ARHGAP32: variants seen among roughly 807,000 people sequenced by gnomAD.
The protein encoded by ARHGAP32 is Rho GTPase activating protein 32.
Under a neutral mutation model 186.5 loss-of-function variants are expected in ARHGAP32, and 51 were observed. That is an observed-to-expected ratio of 0.27 (90% CI 0.22 to 0.35). ARHGAP32 has a LOEUF of 0.35. ARHGAP32 is among the 10% of genes least tolerant of loss of function. The pLI is 1.00. For synonymous variants in ARHGAP32, 950 were observed against 964.3 expected (o/e 0.99, Z 0.27); for missense variants, 2,186 against 2,623.5 (o/e 0.83, Z 3.64).
intron 5 of ARHGAP32, among the ~76,000 whole-genome samples, chr11:129,122,646 T>A (rs1301558035): frequency 1.3e-5 from 2 of 152,102 alleles, no homozygotes; most frequent in African/African-American, 4.8e-5. Context: ...ATCCTATAGA[T>A]CAAATTCATC....
At position 129,250,656 on chromosome 11, in the gene ARHGAP32, T is replaced by G. The variant is rs1945169557; in HGVS notation, c.-5+28490A>C. On this transcript the variant is annotated intron_variant, in intron 1 of 6. Coordinates refer to the ARHGAP32 transcript ENST00000525234. The stretch of plus-strand genomic sequence containing the variant: ...ATCCAAAGTGAAACCTTATACCTCT[T>G]TGTTTGGCTCTAATGAAAATTCTCA... Among the ~76,000 whole-genome samples, 3 of 152,162 alleles carry G rather than the reference T, an allele frequency of 2.0e-5. No homozygotes were observed. In the South Asian group the frequency reaches 6.2e-4, roughly 32 times the overall value.
chr11:129,230,105 G>A (rs1944838262), intron 1 of ARHGAP32, among the ~76,000 whole-genome samples: 2 of 152,102 alleles, frequency 1.3e-5, no homozygotes, highest in African/African-American at 4.8e-5. Context: ...GAACCATTGT[G>A]CGCAGCCTTA....
At chr11:129,229,253 T>C (rs1398562859) in intron 1 of ARHGAP32, among the ~76,000 whole-genome samples, 31 of 152,146 alleles carry the variant, frequency 2.0e-4, no homozygotes. Flanking sequence ...CCTCACATAC[T>C]TATAAAGTGT....
At position 129,274,007 on chromosome 11, in the gene ARHGAP32, A is replaced by G. The variant is rs1257553255; in HGVS notation, c.-5+5139T>C. Among the ~76,000 whole-genome samples, 3 of 100,018 alleles carry G rather than the reference A, an allele frequency of 3.0e-5. No homozygotes were observed. The East Asian group carries it at 8.4e-4, about 28-fold the overall frequency. The allele number at this position is 100,018 out of a possible 152,430, so 65.6% of individuals were successfully genotyped here. A position where few individuals can be genotyped will look rare whatever the true frequency, so the allele number is the denominator to read the frequency against. On this transcript the variant is annotated intron_variant, in intron 1 of 6. Transcript: ENST00000525234. ...ATAAAATAAAATAGTAAATAGATACATAGCCGGAAGCAAAAAAAAAAAAAC... is the reference window on the plus strand; with the variant it reads ...ATAAAATAAAATAGTAAATAGATACGTAGCCGGAAGCAAAAAAAAAAAAAC...
intron 11 of ARHGAP32, among the ~76,000 whole-genome samples, chr11:129,027,760 C>A (rs907854201): frequency 5.9e-5 from 9 of 152,192 alleles, no homozygotes; most frequent in South Asian, 2.1e-4. Flanking sequence ...AGGTTTATTT[C>A]TCTTCATTGC....
intron 1 of ARHGAP32, among the ~76,000 whole-genome samples, chr11:129,172,630 A>G (rs999416077): frequency 1.3e-5 from 2 of 152,238 alleles, no homozygotes; most frequent in African/African-American, 4.8e-5. Context: ...AGAACTCAAG[A>G]TTAAGAAACT....
At chr11:128,989,502 TTTTG>T (rs1945974621) in intron 12 of ARHGAP32, among the ~76,000 whole-genome samples, 1 of 145,818 alleles carries the variant, frequency 6.9e-6, no homozygotes, top group East Asian at 2.0e-4. Flanking sequence ...AATGCTTTTG[TTTTG>T]TTTTTTATTT....
At chr11:129,264,565 A>C (rs943138103) in intron 1 of ARHGAP32, among the ~76,000 whole-genome samples, 1 of 152,208 alleles carries the variant, frequency 6.6e-6, no homozygotes, top group Non-Finnish European at 1.5e-5. Flanking sequence ...ACAGATGTTT[A>C]TCATTTGGTG....
Position 128,974,705 on chromosome 11 carries a change from G to A in ARHGAP32, c.2492C>T (p.Ser831Phe). 6.2e-7 allele frequency: 1 copy of A among 1,614,134 alleles called. No homozygotes were observed. Among genetic ancestry groups the A allele is most frequent in the Non-Finnish European group, 8.5e-7 (1 of 1,180,020 alleles). The change falls in exon 21 of 23, where the codon TCC becomes TTC. Residue 831 changes from serine to phenylalanine, a missense_variant. Transcript: ENST00000682385. ...AESECLESGA[S>F]FLDSPGYSKD... Reference sequence around the variant, plus strand: ...GGAGTATCCTGGTGAATCTAAAAAGGAAGCACCACTCTCCAGACATTCTGA... The same window carrying A: ...GGAGTATCCTGGTGAATCTAAAAAGAAAGCACCACTCTCCAGACATTCTGA...
At chr11:129,070,453 T>A (rs1025157204) in intron 6 of ARHGAP32, among the ~76,000 whole-genome samples, 4 of 151,794 alleles carry the variant, frequency 2.6e-5, no homozygotes, top group Non-Finnish European at 5.9e-5. Flanking sequence ...GAACAATGCC[T>A]CCACTAATAA....
intron 1 of ARHGAP32, among the ~76,000 whole-genome samples, chr11:129,182,235 G>A (rs1944071091): frequency 6.6e-6 from 1 of 151,990 alleles, no homozygotes; most frequent in South Asian, 2.1e-4. Flanking sequence ...CAATAAGTTT[G>A]TGCATTTATA....
intron 1 of ARHGAP32, among the ~76,000 whole-genome samples, chr11:129,202,351 C>T (rs1427659101): frequency 1.3e-5 from 2 of 151,924 alleles, no homozygotes; most frequent in African/African-American, 2.4e-5. Flanking sequence ...CCCTGTATAC[C>T]ACAGAAGTCA....
chr11:129,114,482 C>T (rs1350692155), intron 5 of ARHGAP32, among the ~76,000 whole-genome samples: 2 of 152,098 alleles, frequency 1.3e-5, no homozygotes. Flanking sequence ...GTGGTACTCA[C>T]ATAGGTGGCT....
At chr11:129,185,664 G>A (rs1203324924) in intron 1 of ARHGAP32, among the ~76,000 whole-genome samples, 2 of 151,976 alleles carry the variant, frequency 1.3e-5, no homozygotes, top group African/African-American at 2.4e-5. Context: ...TTAAACTGAC[G>A]GAGGCAGAAT....
chr11:129,204,015 T>C (rs1342181401), intron 1 of ARHGAP32, among the ~76,000 whole-genome samples: 1 of 147,986 alleles, frequency 6.8e-6, no homozygotes, highest in East Asian at 1.9e-4. Flanking sequence ...ATTTATACTA[T>C]ATAAAATATA....
At chr11:129,279,442 C>G (rs867598588), upstream of ARHGAP32, 2 of 146,236 alleles carry the variant, frequency 1.4e-5, no homozygotes, top group South Asian at 2.1e-4. Flanking sequence ...CCTCCCGCGG[C>G]GGAGTCGGCC....
chr11:129,239,545 T>C (rs1944987034), intron 1 of ARHGAP32, among the ~76,000 whole-genome samples: 1 of 152,094 alleles, frequency 6.6e-6, no homozygotes, highest in South Asian at 2.1e-4. Context: ...ATAACCCTCC[T>C]AAAATAGAAA....
intron 11 of ARHGAP32, among the ~76,000 whole-genome samples, chr11:129,036,919 A>G (rs1292383398): frequency 1.3e-5 from 2 of 152,216 alleles, no homozygotes; most frequent in Non-Finnish European, 2.9e-5. Context: ...GGGAAGAAGT[A>G]AAAAGTGGCT....
At chr11:129,277,888 C>G (rs1945551910) in intron 1 of ARHGAP32, among the ~76,000 whole-genome samples, 1 of 152,220 alleles carries the variant, frequency 6.6e-6, no homozygotes, top group South Asian at 2.1e-4. Context: ...CCTTCACACT[C>G]AAGTCCAAGG....
Sources: gnomAD v4.1 joint callset for allele counts (sites outside exome capture counted in the v4.1 genomes callset) on GRCh38, gnomAD v4.1.1 for gene constraint, MANE v1.5 for transcripts, NCBI Gene and HGNC (gene_info 2026-07-23, HGNC 2026-07-21) for gene names.